The following LY96 variants were observed in gnomAD, a reference collection of about 807,000 sequenced individuals.
LY96 encodes lymphocyte antigen 96.
Under a neutral mutation model 18.9 loss-of-function variants are expected in LY96, and 18 were observed. The observed-to-expected ratio is 0.95, with a 90% confidence interval of 0.66 to 1.41. LY96 has a LOEUF of 1.41. LY96 is among the 40% of genes most tolerant of loss of function. The pLI, the probability that LY96 is intolerant of heterozygous loss-of-function variation, is 0.00. For synonymous variants in LY96, 66 were observed against 62.6 expected, an observed-to-expected ratio of 1.06 and a Z score of -0.26; for missense variants, 175 against 182.4, an observed-to-expected ratio of 0.96 and a Z score of 0.23.
At chr8:74,046,986 C>T in the LY96 span, among the ~76,000 whole-genome samples, 1 of 151,542 alleles carries the variant, frequency 6.6e-6, no homozygotes, top group Non-Finnish European at 1.5e-5. Flanking sequence ...ATTGCAACCT[C>T]CATTTCCTGG....
chr8:74,065,950 G>A, the LY96 span, among the ~76,000 whole-genome samples: 4 of 152,196 alleles, frequency 2.6e-5, no homozygotes, highest in African/African-American at 9.6e-5. Context: ...CTTTGGACAT[G>A]CAGGACAATT....
chr8:74,042,451 G>A, the LY96 span, among the ~76,000 whole-genome samples: 2 of 152,008 alleles, frequency 1.3e-5, no homozygotes, highest in African/African-American at 4.8e-5. Context: ...AACCCAGGAG[G>A]TGGAGGTTGC....
intron 3 of LY96, among the ~76,000 whole-genome samples, chr8:74,021,478 G>A (rs2131280134): frequency 6.6e-6 from 1 of 152,330 alleles, no homozygotes; most frequent in Admixed American, 6.5e-5. Flanking sequence ...TGGTGGGAGT[G>A]TAAACTAGTT....
chr8:74,093,507 AG>A, the LY96 span, among the ~76,000 whole-genome samples: 1 of 152,238 alleles, frequency 6.6e-6, no homozygotes, highest in Non-Finnish European at 1.5e-5. Context: ...GAATCCTAAA[AG>A]TTTAGTGAAG....
intron 3 of LY96, among the ~76,000 whole-genome samples, chr8:74,014,380 TAA>T (rs71269971): frequency 2.7e-5 from 3 of 112,336 alleles, no homozygotes; most frequent in Admixed American, 9.6e-5. Flanking sequence ...CTCCCTGACT[TAA>T]AAAAAAAAAA....
At chr8:74,028,623 T>A (rs1816917208) in intron 4 of LY96, among the ~76,000 whole-genome samples, 1 of 152,222 alleles carries the variant, frequency 6.6e-6, no homozygotes, top group Non-Finnish European at 1.5e-5. Flanking sequence ...GTGACATATC[T>A]AGTAATGAGA....
chr8:74,008,775 C>T (rs1816467850), intron 2 of LY96, among the ~76,000 whole-genome samples: 1 of 152,096 alleles, frequency 6.6e-6, no homozygotes. Context: ...AGAATTGTCA[C>T]CTTATGTGGT....
intron 1 of LY96, among the ~76,000 whole-genome samples, chr8:73,997,166 T>C (rs1816167252): frequency 1.3e-5 from 2 of 152,226 alleles, no homozygotes; most frequent in Non-Finnish European, 2.9e-5. Flanking sequence ...CTTAAACCTG[T>C]TTCTGTCTAA....
chr8:74,073,529 A>G, the LY96 span, among the ~76,000 whole-genome samples: 1 of 152,128 alleles, frequency 6.6e-6, no homozygotes. Flanking sequence ...TTTCATTTCT[A>G]TAATCAGACA....
At chr8:74,083,249 C>G in the LY96 span, among the ~76,000 whole-genome samples, 1 of 152,046 alleles carries the variant, frequency 6.6e-6, no homozygotes, top group Non-Finnish European at 1.5e-5. Context: ...TAGTCTTGTT[C>G]TGTTGCCCAG....
chr8:74,005,241 G>A (rs978990279), intron 2 of LY96, among the ~76,000 whole-genome samples: 14 of 152,300 alleles, frequency 9.2e-5, no homozygotes, highest in South Asian at 2.1e-4. Context: ...TTGGCCACCC[G>A]TCAGTTCCTT....
chr8:74,012,962 T>G (rs920680654), intron 3 of LY96, among the ~76,000 whole-genome samples: 57 of 152,162 alleles, frequency 3.7e-4, no homozygotes, highest in African/African-American at 1.3e-3. Flanking sequence ...ATAAGTTTTT[T>G]TTTTGAGACA....
the LY96 span, among the ~76,000 whole-genome samples, chr8:74,072,761 C>T: frequency 6.6e-6 from 1 of 152,024 alleles, no homozygotes; most frequent in Non-Finnish European, 1.5e-5. Context: ...GAGGAAAAGC[C>T]TGAAAGCATA....
chr8:73,998,257 A>G (rs1454319769), intron 1 of LY96, among the ~76,000 whole-genome samples: 3 of 152,246 alleles, frequency 2.0e-5, no homozygotes, highest in Non-Finnish European at 2.9e-5. Flanking sequence ...TGTTCTGTAA[A>G]CTACAAGGGT....
the LY96 span, among the ~76,000 whole-genome samples, chr8:74,073,056 G>T: frequency 6.6e-6 from 1 of 152,184 alleles, no homozygotes; most frequent in African/African-American, 2.4e-5. Flanking sequence ...AAAGACAGAC[G>T]GAAATTAGAG....
intron 3 of LY96, among the ~76,000 whole-genome samples, chr8:74,025,373 G>A (rs752031829): frequency 1.4e-4 from 21 of 152,170 alleles, no homozygotes; most frequent in Admixed American, 1.3e-3. Context: ...GGATACACCC[G>A]GCTAGGTGTG....
At chr8:74,038,233 A>G in the LY96 span, among the ~76,000 whole-genome samples, 1 of 152,186 alleles carries the variant, frequency 6.6e-6, no homozygotes, top group Non-Finnish European at 1.5e-5. Flanking sequence ...AAGATATACA[A>G]TTACATTAAT....
intron 1 of LY96, among the ~76,000 whole-genome samples, chr8:74,000,824 A>G (rs1322471054): frequency 6.6e-6 from 1 of 152,216 alleles, no homozygotes; most frequent in Admixed American, 6.5e-5. Flanking sequence ...GCATCTAGCA[A>G]TGGTCTTCTT....
the LY96 span, among the ~76,000 whole-genome samples, chr8:74,045,887 A>G: frequency 1.3e-5 from 2 of 152,162 alleles, no homozygotes; most frequent in Non-Finnish European, 2.9e-5. Context: ...TAACCAGAAG[A>G]CAAGAGAGCC....
Sources: gnomAD v4.1 joint callset for allele counts (sites outside exome capture counted in the v4.1 genomes callset) on GRCh38, gnomAD v4.1.1 for gene constraint, MANE v1.5 for transcripts, NCBI Gene and HGNC (gene_info 2026-07-23, HGNC 2026-07-21) for gene names.